RBFOX1: variants seen among roughly 807,000 people sequenced by gnomAD.
RBFOX1 encodes the protein RNA binding protein fox-1 homolog 1.
In RBFOX1, 8 loss-of-function variants were observed where a neutral mutation model predicts 57.7. The ratio of observed to expected loss-of-function variants is 0.14; its 90% CI spans 0.08 to 0.25. The LOEUF is 0.25. Ranked by LOEUF, RBFOX1 falls within the 10% of genes least tolerant of loss-of-function variation. The probability of loss-of-function intolerance (pLI) is 1.00; values close to 1 mark genes in which losing one functional copy is unlikely to be tolerated. For missense variants in RBFOX1, 611 were observed against 548.5 expected (o/e 1.11, Z -1.14); for synonymous variants, 326 against 222.4 (o/e 1.47, Z -4.15).
At chr16:6,004,224 A>G (rs1479656766) in intron 4 of RBFOX1, among the ~76,000 whole-genome samples, 1 of 152,342 alleles carries the variant, frequency 6.6e-6, no homozygotes, top group East Asian at 1.9e-4. Context: ...AAAATAAAAA[A>G]GAATACCTGC....
chr16:6,266,368 T>TA (rs1257393716), intron 1 of RBFOX1, among the ~76,000 whole-genome samples: 4 of 152,216 alleles, frequency 2.6e-5, no homozygotes, highest in Non-Finnish European at 5.9e-5. Context: ...CATTTCTTTG[T>TA]AAAACCTTCC....
intron 2 of RBFOX1, among the ~76,000 whole-genome samples, chr16:6,626,864 C>A (rs1041321454): frequency 1.3e-5 from 2 of 152,154 alleles, no homozygotes; most frequent in Non-Finnish European, 2.9e-5. Context: ...TTAACAAGCA[C>A]TTTAGTCATA....
chr16:6,556,243 G>A (rs1194435827), intron 2 of RBFOX1, among the ~76,000 whole-genome samples: 2 of 152,098 alleles, frequency 1.3e-5, no homozygotes, highest in Non-Finnish European at 2.9e-5. Flanking sequence ...TACTTATCAC[G>A]GATCCTGCAT....
intron 4 of RBFOX1, among the ~76,000 whole-genome samples, chr16:7,311,478 C>CTTTTTTTTTTTT (rs1190746565): frequency 1.6e-5 from 2 of 122,522 alleles, no homozygotes; most frequent in Non-Finnish European, 3.3e-5. Flanking sequence ...TGAGCCTTTT[C>CTTTTTTTTTTTT]TTTTTTTTTT....
intron 2 of RBFOX1, among the ~76,000 whole-genome samples, chr16:6,461,561 G>A (rs2094922325): frequency 6.6e-6 from 1 of 152,194 alleles, no homozygotes. Context: ...TAACACTTGT[G>A]TGGCTGGATA....
At chr16:7,269,383 C>T (rs2095261109) in intron 4 of RBFOX1, among the ~76,000 whole-genome samples, 1 of 152,080 alleles carries the variant, frequency 6.6e-6, no homozygotes, top group African/African-American at 2.4e-5. Flanking sequence ...CTGCTCATCA[C>T]CCCCAAATAA....
At chr16:5,840,738 C>T (rs1279807036) in intron 3 of RBFOX1, among the ~76,000 whole-genome samples, 1 of 152,164 alleles carries the variant, frequency 6.6e-6, no homozygotes, top group Non-Finnish European at 1.5e-5. Flanking sequence ...TCACAGCACA[C>T]TGGCTTTAGC....
rs146085166 is a variant in RBFOX1 at position 6,763,760 on chromosome 16, C to T, written c.-16+109110C>T. On this transcript the variant is annotated intron_variant, in intron 3 of 15. Coordinates refer to ENST00000550418, the MANE Select transcript of RBFOX1 (RefSeq NM_018723.4). Reference sequence around the variant, plus strand: ...CATTCCAAAACCACTGGACGGATTCCACACAAACATTAAATGTTTAAATGT... The same window carrying T: ...CATTCCAAAACCACTGGACGGATTCTACACAAACATTAAATGTTTAAATGT... 3.9e-4 allele frequency among the ~76,000 whole-genome samples: 60 copies of T among 152,308 alleles called. No homozygotes were observed. In the East Asian group the frequency reaches 0.01, roughly 26 times the overall value.
At chr16:7,614,443 T>G (rs1027537557) in intron 10 of RBFOX1, 24 of 152,180 alleles carry the variant, frequency 1.6e-4, no homozygotes, top group African/African-American at 5.8e-4. Flanking sequence ...ACAGAGGGAA[T>G]GCAACTCATC....
intron 3 of RBFOX1, among the ~76,000 whole-genome samples, chr16:6,954,050 G>A (rs926001785): frequency 6.6e-6 from 1 of 152,122 alleles, no homozygotes; most frequent in South Asian, 2.1e-4. Context: ...AATATGGCAA[G>A]AGAGAGAACT....
At chr16:6,731,178 C>T (rs1568385365) in intron 3 of RBFOX1, among the ~76,000 whole-genome samples, 1 of 151,914 alleles carries the variant, frequency 6.6e-6, no homozygotes, top group Non-Finnish European at 1.5e-5. Context: ...ATCTAAGATG[C>T]AAAAATACAG....
At chr16:6,538,850 G>C (rs896429815) in intron 2 of RBFOX1, among the ~76,000 whole-genome samples, 1 of 152,102 alleles carries the variant, frequency 6.6e-6, no homozygotes, top group Non-Finnish European at 1.5e-5. Flanking sequence ...AATGTAAAAT[G>C]GTGCCAAACT....
chr16:6,132,828 A>G (rs2096638924), intron 1 of RBFOX1, among the ~76,000 whole-genome samples: 1 of 152,084 alleles, frequency 6.6e-6, no homozygotes, highest in Admixed American at 6.6e-5. Flanking sequence ...CTCTACTAAA[A>G]ATACCAAAAT....
At chr16:5,651,202 G>T (rs1292644028) in intron 3 of RBFOX1, among the ~76,000 whole-genome samples, 1 of 151,518 alleles carries the variant, frequency 6.6e-6, no homozygotes, top group Non-Finnish European at 1.5e-5. Context: ...ACAGGCACCT[G>T]CCACCATACC....
chr16:6,507,497 C>A (rs1165080332), intron 2 of RBFOX1, among the ~76,000 whole-genome samples: 1 of 93,640 alleles, frequency 1.1e-5, no homozygotes, highest in Non-Finnish European at 2.0e-5. Context: ...ATAACAAGAC[C>A]CTATCTGTAC....
intron 2 of RBFOX1, among the ~76,000 whole-genome samples, chr16:5,559,741 A>C (rs530338653): frequency 2.6e-5 from 4 of 152,050 alleles, no homozygotes; most frequent in Non-Finnish European, 5.9e-5. Flanking sequence ...GTGCAACGTT[A>C]AAAAGTCTTC....
intron 2 of RBFOX1, among the ~76,000 whole-genome samples, chr16:6,642,944 G>C (rs1025030702): frequency 6.6e-6 from 1 of 152,154 alleles, no homozygotes; most frequent in African/African-American, 2.4e-5. Flanking sequence ...GTTGTTTGCT[G>C]TTTGTATGAT....
intron 2 of RBFOX1, among the ~76,000 whole-genome samples, chr16:5,521,066 A>G (rs1597383635): frequency 1.3e-5 from 2 of 152,328 alleles, no homozygotes; most frequent in Admixed American, 6.5e-5. Context: ...AAGATACTGA[A>G]CCAGCCCCTA....
At chr16:7,422,845 T>A (rs1290190098) in intron 4 of RBFOX1, 1 of 152,170 alleles carries the variant, frequency 6.6e-6, no homozygotes, top group Non-Finnish European at 1.5e-5. Context: ...TTTGCCTTAT[T>A]TTTTTTCTTT....
Sources: allele counts gnomAD v4.1 joint callset (sites outside exome capture counted in the v4.1 genomes callset), GRCh38; gene constraint gnomAD v4.1.1; transcripts MANE v1.5; gene names NCBI Gene and HGNC (gene_info 2026-07-23, HGNC 2026-07-21).